SIL1: variants seen among roughly 807,000 people sequenced by gnomAD.
SIL1 encodes SIL1 nucleotide exchange factor.
SIL1 carries 40 observed loss-of-function variants against 49.1 expected under a neutral mutation model. That is an observed-to-expected ratio of 0.81 (90% CI 0.63 to 1.06). The LOEUF is 1.06. SIL1 is among the 50% of genes least tolerant of loss of function. The pLI, the probability that SIL1 is intolerant of heterozygous loss-of-function variation, is 0.00. For missense variants in SIL1, 500 were observed against 572.6 expected, an observed-to-expected ratio of 0.87 and a Z score of 1.29; for synonymous variants, 253 against 250.8, an observed-to-expected ratio of 1.01 and a Z score of -0.08.
At chr5:139,023,498 A>T (rs574487879) in intron 6 of SIL1, among the ~76,000 whole-genome samples, 22 of 152,356 alleles carry the variant, frequency 1.4e-4, no homozygotes, top group South Asian at 6.2e-4. Context: ...GAGAAGGCAA[A>T]TGTACTGCCC....
In SIL1 at chr5:139,021,280, G is replaced by C. The variant is rs745452168; in HGVS notation, c.658C>G (p.Gln220Glu). 6.2e-7 allele frequency: 1 copy of C among 1,614,148 alleles called. No homozygotes were observed. Among genetic ancestry groups the C allele is most frequent in the South Asian group, 1.1e-5 (1 of 91,076 alleles). The change falls in exon 7 of 10, where the codon CAG becomes GAG. Residue 220 changes from glutamine to glutamate, a missense_variant. Gln to Glu is a conservative substitution (Grantham distance 29). Transcript: ENST00000394817. The stretch of plus-strand genomic sequence containing the variant: ...AGACCACCAAAGGAAAGCAGGTCCT[G>C]CGCATTGTCCATCTGCAACAGAGCC... ...EYYVHQMDNA[Q>E]DLLSFGGLQV...
intron 7 of SIL1, among the ~76,000 whole-genome samples, chr5:138,981,455 A>C (rs1448362754): frequency 1.3e-5 from 2 of 152,154 alleles, no homozygotes; most frequent in African/African-American, 4.8e-5. Context: ...AAAGGAGGGG[A>C]GAGTCCCCAA....
At chr5:139,089,524 C>T (rs1324235730) in intron 3 of SIL1, among the ~76,000 whole-genome samples, 1 of 138,424 alleles carries the variant, frequency 7.2e-6, no homozygotes, top group Non-Finnish European at 1.7e-5. Context: ...TAAATAGTTT[C>T]TTTTTGTTAA....
chr5:139,135,801 A>C (rs1750963273), intron 1 of SIL1, among the ~76,000 whole-genome samples: 2 of 151,994 alleles, frequency 1.3e-5, no homozygotes, highest in Non-Finnish European at 2.9e-5. Context: ...ATGGTGGCTC[A>C]CACCTGTAAT....
At chr5:139,068,654 GGA>G (rs1491302216) in intron 3 of SIL1, among the ~76,000 whole-genome samples, 3 of 70,102 alleles carry the variant, frequency 4.3e-5, no homozygotes, top group African/African-American at 1.2e-4. Context: ...AGAATGAAAA[GGA>G]AAAAAAAAAA....
At chr5:139,042,572 A>T (rs1476094388) in intron 5 of SIL1, 48 bp downstream of exon 5, 1 of 1,498,840 alleles carries the variant, frequency 6.7e-7, no homozygotes, top group African/African-American at 1.4e-5. Context: ...TGCAAAGACA[A>T]CAAGGCCATG....
intron 7 of SIL1, among the ~76,000 whole-genome samples, chr5:139,011,076 G>C (rs1195879493): frequency 6.6e-6 from 1 of 150,978 alleles, no homozygotes; most frequent in Non-Finnish European, 1.5e-5. Context: ...CTGCCGCCTT[G>C]CAGTTTGATC....
chr5:139,170,824 G>A (rs1751743561), intron 1 of SIL1, among the ~76,000 whole-genome samples: 1 of 150,832 alleles, frequency 6.6e-6, no homozygotes, highest in African/African-American at 2.4e-5. Flanking sequence ...GAGGGAGGTG[G>A]GGGGGTCAGC....
chr5:139,070,503 A>C (rs893700408), intron 3 of SIL1, among the ~76,000 whole-genome samples: 38 of 152,354 alleles, frequency 2.5e-4, no homozygotes, highest in African/African-American at 8.4e-4. Context: ...ATGTAGTCTT[A>C]AAACTTCTTA....
At chr5:139,017,908 A>G (rs374844242) in intron 7 of SIL1, among the ~76,000 whole-genome samples, 1 of 152,168 alleles carries the variant, frequency 6.6e-6, no homozygotes, top group Admixed American at 6.5e-5. Flanking sequence ...AAGGCCAATG[A>G]AAGTATTTAC....
At position 138,996,513 on chromosome 5, in the gene SIL1, A is replaced by ATTTT. The variant is rs140943492; in HGVS notation, c.767+24654_767+24657dup. On this transcript the variant is annotated intron_variant, in intron 7 of 9. Coordinates refer to ENST00000394817, the MANE Select transcript of SIL1 (RefSeq NM_022464.5). ...GTTGGTTGTTTTCTTTGCTGTGCAG[A>ATTTT]TTTTTTTTTTTTTTTTTTTTTTTTT... is the stretch of plus-strand genomic sequence containing the variant. Among the ~76,000 whole-genome samples the ATTTT allele has an allele frequency of 7.5e-4, 67 of 89,908 alleles. 1 individual carries two copies. The highest frequency in any genetic ancestry group is 1.4e-3 in the African/African-American group (27 of 18,718). The allele number at this position is 89,908 out of a possible 152,430, so 59.0% of individuals were successfully genotyped here. A position where few individuals can be genotyped will look rare whatever the true frequency, so the allele number is the denominator to read the frequency against.
intron 3 of SIL1, among the ~76,000 whole-genome samples, chr5:139,081,660 C>T (rs1413499505): frequency 6.6e-6 from 1 of 152,132 alleles, no homozygotes. Flanking sequence ...AGGCAGATCA[C>T]CTGAGGTCAG....
chr5:139,143,340 C>CATAT lies in SIL1; in HGVS notation c.-10-15488_-10-15487insATAT, dbSNP rs1398396877. ...ACACACACACACACACACACACACA[C>CATAT]ACACATATATATATATATATATATA... On this transcript the variant is annotated intron_variant, in intron 1 of 9. Transcript: ENST00000394817. Among the ~76,000 whole-genome samples, 34 of 85,166 alleles carry CATAT rather than the reference C, an allele frequency of 4.0e-4. 1 individual carries two copies. Among genetic ancestry groups the CATAT allele is most frequent in the African/African-American group, 2.4e-3 (33 of 13,976 alleles). The allele number at this position is 85,166 out of a possible 152,430, so 55.9% of individuals were successfully genotyped here. A position where few individuals can be genotyped will look rare whatever the true frequency, so the allele number is the denominator to read the frequency against.
At chr5:139,102,746 C>T (rs551380808) in intron 3 of SIL1, among the ~76,000 whole-genome samples, 6 of 143,966 alleles carry the variant, frequency 4.2e-5, no homozygotes, top group African/African-American at 1.5e-4. Context: ...GGAGTTTTTG[C>T]TCTTGTTGCC....
intron 6 of SIL1, among the ~76,000 whole-genome samples, chr5:139,022,979 T>C (rs1768562215): frequency 6.6e-6 from 1 of 152,206 alleles, no homozygotes; most frequent in African/African-American, 2.4e-5. Context: ...TGGCCACTTA[T>C]AAAGCTGGTA....
chr5:139,003,309 G>A (rs926843033), intron 7 of SIL1, among the ~76,000 whole-genome samples: 1 of 152,138 alleles, frequency 6.6e-6, no homozygotes, highest in East Asian at 1.9e-4. Flanking sequence ...AGTGTTAACA[G>A]TCTGCTCCTT....
rs1457636392 is a variant in SIL1, at chr5:138,946,801, T to C, written c.*316A>G. On this transcript the variant is annotated 3_prime_UTR_variant, in exon 10 of 10. Transcript: ENST00000394817. Reference sequence around the variant, plus strand: ...AGAGCAATTAAGCGACTTCCCAAGGTACAGAGCTGCTGCTTGGTAAGAAGC... The same window carrying C: ...AGAGCAATTAAGCGACTTCCCAAGGCACAGAGCTGCTGCTTGGTAAGAAGC... The C allele has an allele frequency of 1.2e-5, 5 of 434,162 alleles. No individual in the cohort carries two copies. Among genetic ancestry groups the C allele is most frequent in the Non-Finnish European group, 2.1e-5 (5 of 232,690 alleles). The allele number at this position is 434,162 out of a possible 1,614,324, so 26.9% of individuals were successfully genotyped here.
chr5:139,057,330 A>AAG (rs1470429065), intron 3 of SIL1, among the ~76,000 whole-genome samples: 2 of 147,404 alleles, frequency 1.4e-5, no homozygotes, highest in African/African-American at 5.1e-5. Context: ...AAAAAAAAAG[A>AAG]AAAGAAAAGA....
intron 1 of SIL1, among the ~76,000 whole-genome samples, chr5:139,197,183 G>T (rs1304677930): frequency 6.8e-6 from 1 of 147,752 alleles, no homozygotes; most frequent in Non-Finnish European, 1.5e-5. Flanking sequence ...CAGGAGAATC[G>T]CTTGAACCTG....
Sources: gnomAD v4.1 joint callset for allele counts (sites outside exome capture counted in the v4.1 genomes callset) on GRCh38, gnomAD v4.1.1 for gene constraint, MANE v1.5 for transcripts, NCBI Gene and HGNC (gene_info 2026-07-23, HGNC 2026-07-21) for gene names.